Variants in LMBRD1 observed in about 807,000 individuals in gnomAD.
LMBRD1 encodes the protein lysosomal cobalamin transport escort protein LMBD1.
Under a neutral mutation model 74.8 loss-of-function variants are expected in LMBRD1, and 64 were observed. The observed-to-expected ratio is 0.86, with a 90% CI of 0.70 to 1.05. The LOEUF is 1.05. Ranked by LOEUF, LMBRD1 falls within the 50% of genes least tolerant of loss-of-function variation. The pLI, the probability that LMBRD1 is intolerant of heterozygous loss-of-function variation, is 0.00. For synonymous variants in LMBRD1, 204 were observed against 216.3 expected (o/e 0.94, Z 0.50); for missense variants, 652 against 645.9 (o/e 1.01, Z -0.10).
Position 69,746,074 on chromosome 6 carries a change from T to A in LMBRD1, c.473+3267A>T, listed in dbSNP as rs190679224. 180 of 208,102 alleles carry A rather than the reference T, an allele frequency of 8.6e-4. 1 individual carries two copies. Among genetic ancestry groups the A allele is most frequent in the Non-Finnish European group, 1.6e-3 (157 of 97,528 alleles). 12.9% of individuals were successfully genotyped at this position (208,102 alleles called of 1,614,324 possible). ...AAGGCTGAGAACTGGAAACCTGTCATCATTGGAAATCCCATCACCCTCTTA... is the reference window on the plus strand; with the variant it reads ...AAGGCTGAGAACTGGAAACCTGTCAACATTGGAAATCCCATCACCCTCTTA... On this transcript the variant is annotated intron_variant, in intron 5 of 15. Transcript: ENST00000649934.
Position 69,676,125 on chromosome 6 carries a change from T to G in LMBRD1, c.*33A>C, listed in dbSNP as rs1765537978. 1 of 1,515,892 alleles carries G rather than the reference T, an allele frequency of 6.6e-7. No homozygotes were observed. The highest frequency in any genetic ancestry group is 9.2e-7 in the Non-Finnish European group (1 of 1,091,354). The allele number at this position is 1,515,892 out of a possible 1,614,324, so 93.9% of individuals were successfully genotyped here. A position where few individuals can be genotyped will look rare whatever the true frequency, so the allele number is the denominator to read the frequency against. ...TTAAAAATGCATAACAGATATTCAG[T>G]CAGCATTATAAAACCTTTAAGACAG... On this transcript the variant is annotated 3_prime_UTR_variant, in exon 16 of 16. Coordinates refer to ENST00000649934, the MANE Select transcript of LMBRD1 (RefSeq NM_018368.4).
At chr6:69,758,995 T>C (rs1369319266) in intron 3 of LMBRD1, among the ~76,000 whole-genome samples, 1 of 152,078 alleles carries the variant, frequency 6.6e-6, no homozygotes, top group Non-Finnish European at 1.5e-5. Flanking sequence ...TGGAATTAGA[T>C]CAAAGTGGCC....
At chr6:69,704,030 C>G (rs1193861884) in intron 9 of LMBRD1, among the ~76,000 whole-genome samples, 1 of 152,018 alleles carries the variant, frequency 6.6e-6, no homozygotes, top group East Asian at 1.9e-4. Flanking sequence ...ATGACACAGA[C>G]AGAGAAGTGT....
chr6:69,777,095 C>A (rs916737654), intron 3 of LMBRD1, among the ~76,000 whole-genome samples: 11 of 152,034 alleles, frequency 7.2e-5, no homozygotes, highest in African/African-American at 2.7e-4. Context: ...TTGCAGTGAG[C>A]CAAAATTGTG....
chr6:69,713,393 C>T (rs1037424708), intron 9 of LMBRD1, among the ~76,000 whole-genome samples: 2 of 152,130 alleles, frequency 1.3e-5, no homozygotes, highest in Non-Finnish European at 2.9e-5. Flanking sequence ...GAAGAATATG[C>T]TAGCAGCATA....
At chr6:69,763,945 G>A (rs1001729541) in intron 3 of LMBRD1, among the ~76,000 whole-genome samples, 5 of 152,172 alleles carry the variant, frequency 3.3e-5, no homozygotes, top group African/African-American at 1.2e-4. Flanking sequence ...GAGGTTCACA[G>A]TCAGAGAAGA....
At chr6:69,681,913 CA>C (rs1233290238) in intron 14 of LMBRD1, among the ~76,000 whole-genome samples, 2 of 151,590 alleles carry the variant, frequency 1.3e-5, no homozygotes, top group African/African-American at 4.8e-5. Context: ...GAAAGAATAA[CA>C]AGAGTGGAGT....
chr6:69,741,201 C>T (rs1767093605), intron 6 of LMBRD1, among the ~76,000 whole-genome samples: 1 of 152,012 alleles, frequency 6.6e-6, no homozygotes, highest in Non-Finnish European at 1.5e-5. Context: ...ATTATAAGAG[C>T]CTCACTGCTA....
At chr6:69,696,207 C>A (rs546649855) in intron 14 of LMBRD1, among the ~76,000 whole-genome samples, 88 of 152,276 alleles carry the variant, frequency 5.8e-4, no homozygotes, top group African/African-American at 2.0e-3. Flanking sequence ...TGCTCTACAA[C>A]CAATCAGAAA....
chr6:69,739,476 C>A (rs1767050611), intron 6 of LMBRD1, among the ~76,000 whole-genome samples: 2 of 148,904 alleles, frequency 1.3e-5, no homozygotes, highest in African/African-American at 5.2e-5. Context: ...AAATGCATTA[C>A]TCTGCTGCAA....
chr6:69,727,821 T>C (rs560700172), intron 7 of LMBRD1, among the ~76,000 whole-genome samples: 2 of 152,332 alleles, frequency 1.3e-5, no homozygotes, highest in East Asian at 1.9e-4. Flanking sequence ...CATTTCCTTA[T>C]AGGATTTTCC....
intron 15 of LMBRD1, 50 bp from the exon 16 acceptor site, chr6:69,676,321 G>A (rs764861910): frequency 6.3e-7 from 1 of 1,591,704 alleles, no homozygotes; most frequent in African/African-American, 1.4e-5. Flanking sequence ...AAAATCATCT[G>A]GAAAGTAATG....
chr6:69,697,270 T>A (rs530072682), intron 14 of LMBRD1, among the ~76,000 whole-genome samples: 1 of 152,026 alleles, frequency 6.6e-6, no homozygotes, highest in Non-Finnish European at 1.5e-5. Context: ...CAAACTCCTT[T>A]ATGTTTTTAA....
At chr6:69,763,797 A>G (rs1279665062) in intron 3 of LMBRD1, among the ~76,000 whole-genome samples, 1 of 152,212 alleles carries the variant, frequency 6.6e-6, no homozygotes, top group African/African-American at 2.4e-5. Context: ...GAGCTATCTT[A>G]TAATTCTAAT....
chr6:69,747,955 A>G (rs1300331896), intron 5 of LMBRD1, among the ~76,000 whole-genome samples: 1 of 152,228 alleles, frequency 6.6e-6, no homozygotes, highest in African/African-American at 2.4e-5. Flanking sequence ...ACGTATGATA[A>G]TGAGAAGAAC....
At chr6:69,680,314 G>A (rs1456016257) in intron 14 of LMBRD1, among the ~76,000 whole-genome samples, 1 of 152,046 alleles carries the variant, frequency 6.6e-6, no homozygotes, top group Non-Finnish European at 1.5e-5. Context: ...TGCTAATGCT[G>A]TAAACTTAAA....
chr6:69,793,454 C>T, intron 1 of LMBRD1, among the ~76,000 whole-genome samples: 1 of 152,144 alleles, frequency 6.6e-6, no homozygotes, highest in East Asian at 1.9e-4. Flanking sequence ...ATGATGCCCA[C>T]ACTTTAAGGA....
rs184249873 is a variant in LMBRD1 at position 69,724,034 on chromosome 6, T to C, written c.637-4953A>G. Reference sequence around the variant, plus strand: ...TGGCTACTATGAACAACTAATTATATGCCAACAAATTGGAAAATATAAAAG... The same window carrying C: ...TGGCTACTATGAACAACTAATTATACGCCAACAAATTGGAAAATATAAAAG... On this transcript the variant is annotated intron_variant, in intron 7 of 15. Coordinates refer to ENST00000649934, the MANE Select transcript of LMBRD1 (RefSeq NM_018368.4). Among the ~76,000 whole-genome samples, 17 of 152,072 alleles carry C rather than the reference T, an allele frequency of 1.1e-4. 1 individual carries two copies. In the East Asian group the frequency reaches 2.9e-3, roughly 26 times the overall value.
At chr6:69,766,050 T>C (rs1000226083) in intron 3 of LMBRD1, among the ~76,000 whole-genome samples, 14 of 151,872 alleles carry the variant, frequency 9.2e-5, no homozygotes, top group African/African-American at 3.4e-4. Context: ...AGTAAGACAG[T>C]AATAATTCTT....
Sources: gnomAD v4.1 joint callset for allele counts (sites outside exome capture counted in the v4.1 genomes callset) on GRCh38, gnomAD v4.1.1 for gene constraint, MANE v1.5 for transcripts, NCBI Gene and HGNC (gene_info 2026-07-23, HGNC 2026-07-21) for gene names.